DGKH: variants seen among roughly 807,000 people sequenced by gnomAD.
DGKH encodes the protein DAG kinase eta.
DGKH carries 90 observed loss-of-function variants against 159.3 expected under a neutral mutation model. The ratio of observed to expected loss-of-function variants is 0.57; its 90% CI spans 0.48 to 0.67. DGKH has a LOEUF of 0.67. DGKH is among the 30% of genes least tolerant of loss of function. The pLI is 0.00. For synonymous variants in DGKH, 536 were observed against 553.8 expected (o/e 0.97, Z 0.45); for missense variants, 1,181 against 1,506.1 (o/e 0.78, Z 3.57).
At chr13:42,211,885 C>G (rs187669689) in intron 24 of DGKH, among the ~76,000 whole-genome samples, 1 of 152,030 alleles carries the variant, frequency 6.6e-6, no homozygotes, top group East Asian at 1.9e-4. Flanking sequence ...GTCACTATCA[C>G]GAGAACAGTA....
At chr13:42,206,493 G>C (rs977135033) in intron 21 of DGKH, among the ~76,000 whole-genome samples, 1 of 152,098 alleles carries the variant, frequency 6.6e-6, no homozygotes, top group South Asian at 2.1e-4. Flanking sequence ...GTTTTCTATC[G>C]CTGCTATAAC....
In DGKH at chr13:42,234,566, C is replaced by T. The variant is rs140879879; in HGVS notation, c.*5378C>T. On this transcript the variant is annotated 3_prime_UTR_variant, in exon 30 of 30. Transcript: ENST00000337343. ...GCCCCACTCCAATTAACTCATCCTACATCTCTCAGATGTAAGTTGGATAAG... is the reference window on the plus strand; with the variant it reads ...GCCCCACTCCAATTAACTCATCCTATATCTCTCAGATGTAAGTTGGATAAG... The T allele has an allele frequency of 1.2e-4, 19 of 152,316 alleles. No individual in the cohort carries two copies. The highest frequency in any genetic ancestry group is 4.3e-4 in the African/African-American group (18 of 41,566). The allele number at this position is 152,316 out of a possible 1,614,324, so 9.4% of individuals were successfully genotyped here.
intron 20 of DGKH, among the ~76,000 whole-genome samples, chr13:42,204,164 A>G (rs1212606025): frequency 1.3e-5 from 2 of 152,202 alleles, no homozygotes; most frequent in Non-Finnish European, 2.9e-5. Flanking sequence ...TATTTCTTTT[A>G]TATTTACAGA....
At position 42,229,787 on chromosome 13, in the gene DGKH, A is replaced by C. The variant is rs189525521; in HGVS notation, c.*599A>C. 2.6e-4 allele frequency: 40 copies of C among 152,492 alleles called. No homozygotes were observed. Among genetic ancestry groups the C allele is most frequent in the African/African-American group, 8.9e-4 (37 of 41,572 alleles). The allele number at this position is 152,492 out of a possible 1,614,324, so 9.4% of individuals were successfully genotyped here. A position where few individuals can be genotyped will look rare whatever the true frequency, so the allele number is the denominator to read the frequency against. ...CCTGAAATGTCTTTCTTTTTCTTGC[A>C]TGTCACATCTAATACTGTAACACTT... On this transcript the variant is annotated 3_prime_UTR_variant, in exon 30 of 30. Transcript: ENST00000337343.
rs1177091232 is a variant in DGKH, at chr13:42,235,249, C to T, written c.*6061C>T. The T allele has an allele frequency of 2.0e-5, 3 of 152,072 alleles. No individual in the cohort carries two copies. Among genetic ancestry groups the T allele is most frequent in the Non-Finnish European group, 4.4e-5 (3 of 67,990 alleles). 9.4% of individuals were successfully genotyped at this position (152,072 alleles called of 1,614,324 possible). A position where few individuals can be genotyped will look rare whatever the true frequency, so the allele number is the denominator to read the frequency against. Reference sequence around the variant, plus strand: ...ATACTCTATTTACATTATTTATATACTCTCTTAGTTTTTTATGCACTTCCA... The same window carrying T: ...ATACTCTATTTACATTATTTATATATTCTCTTAGTTTTTTATGCACTTCCA... On this transcript the variant is annotated 3_prime_UTR_variant, in exon 30 of 30. Transcript: ENST00000337343.
chr13:42,093,701 T>A (rs606568), intron 1 of DGKH, among the ~76,000 whole-genome samples: 36,234 of 152,182 alleles, frequency 0.24, 4,928 homozygotes, highest in African/African-American at 0.36. Context: ...AATTCTGACA[T>A]GTTCTACAGC....
At chr13:42,129,730 C>A in intron 3 of DGKH, 98 bp downstream of exon 3, 1 of 1,111,900 alleles carries the variant, frequency 9.0e-7, no homozygotes, top group Non-Finnish European at 1.3e-6. Context: ...CTGTTGCTAA[C>A]TTATGCATGT....
chr13:42,247,773 T>A (rs533727121), downstream of DGKH, among the ~76,000 whole-genome samples: 1 of 152,170 alleles, frequency 6.6e-6, no homozygotes, highest in African/African-American at 2.4e-5. Flanking sequence ...TTAGGTTTTT[T>A]TTAAAAAAGT....
chr13:42,057,487 A>C (rs1463661483), intron 1 of DGKH, among the ~76,000 whole-genome samples: 1 of 152,226 alleles, frequency 6.6e-6, no homozygotes, highest in African/African-American at 2.4e-5. Context: ...GATATTTATA[A>C]GAATATATAA....
intron 1 of DGKH, among the ~76,000 whole-genome samples, chr13:42,126,454 A>G (rs1243746687): frequency 6.6e-6 from 1 of 152,204 alleles, no homozygotes. Flanking sequence ...ATGTAGGCCC[A>G]CTGCAGAAGA....
chr13:42,084,547 A>G (rs911140625), intron 1 of DGKH, among the ~76,000 whole-genome samples: 1 of 152,168 alleles, frequency 6.6e-6, no homozygotes, highest in Non-Finnish European at 1.5e-5. Flanking sequence ...CTATGTTTAT[A>G]TAGAGTTAAC....
intron 21 of DGKH, among the ~76,000 whole-genome samples, chr13:42,207,713 A>ATATATATG (rs1415276519): frequency 5.7e-4 from 84 of 147,980 alleles, no homozygotes; most frequent in African/African-American, 1.7e-3. Context: ...ATATATATAT[A>ATATATATG]TATCAGTAAA....
At chr13:42,161,416 AGGTGG>A in intron 7 of DGKH, among the ~76,000 whole-genome samples, 1 of 152,194 alleles carries the variant, frequency 6.6e-6, no homozygotes, top group African/African-American at 2.4e-5. Context: ...TGGGAGGCCA[AGGTGG>A]GCGGATCATG....
chr13:42,080,121 T>C (rs1227153975), intron 1 of DGKH, among the ~76,000 whole-genome samples: 1 of 152,378 alleles, frequency 6.6e-6, no homozygotes, highest in African/African-American at 2.4e-5. Context: ...TTGTTTTCAC[T>C]ATACCCAAAT....
chr13:42,187,012 G>A (rs1163629732), intron 13 of DGKH, 37 bp from the exon 14 acceptor site: 4 of 1,550,498 alleles, frequency 2.6e-6, no homozygotes, highest in South Asian at 2.3e-5. Flanking sequence ...ATTAATTCAT[G>A]AAGCTTACTA....
At chr13:42,199,089 G>C (rs1170098) in intron 18 of DGKH, among the ~76,000 whole-genome samples, 48,139 of 152,044 alleles carry the variant, frequency 0.32, 7,907 homozygotes, top group African/African-American at 0.39. Context: ...TCCTCAAGGA[G>C]AGTACCATAT....
chr13:42,144,857 G>C (rs1955680557), intron 3 of DGKH, among the ~76,000 whole-genome samples: 1 of 152,136 alleles, frequency 6.6e-6, no homozygotes, highest in Non-Finnish European at 1.5e-5. Flanking sequence ...CAGTAACCAA[G>C]TAAAAGCCCA....
intron 17 of DGKH, among the ~76,000 whole-genome samples, chr13:42,197,448 A>C (rs1454669886): frequency 6.6e-6 from 1 of 152,094 alleles, no homozygotes; most frequent in East Asian, 1.9e-4. Flanking sequence ...CATTAAACGA[A>C]AGAACAAAAT....
chr13:42,149,450 A>G (rs1955823528), intron 3 of DGKH, among the ~76,000 whole-genome samples: 1 of 152,174 alleles, frequency 6.6e-6, no homozygotes, highest in Admixed American at 6.5e-5. Flanking sequence ...GTGTTTCCCC[A>G]TTGGACTGTG....
Sources: allele counts gnomAD v4.1 joint callset (sites outside exome capture counted in the v4.1 genomes callset), GRCh38; gene constraint gnomAD v4.1.1; transcripts MANE v1.5; gene names NCBI Gene and HGNC (gene_info 2026-07-23, HGNC 2026-07-21).